WWOX: variants seen among roughly 807,000 people sequenced by gnomAD.
WWOX encodes the protein WW domain-containing oxidoreductase.
In WWOX, 69 loss-of-function variants were observed where a neutral mutation model predicts 46.2. That is an observed-to-expected ratio of 1.49 (90% CI 1.23 to 1.82). WWOX has a LOEUF of 1.82. Among genes scored for constraint, WWOX ranks in the 40% most tolerant of loss-of-function variants. The pLI is 0.00. For synonymous variants in WWOX, 359 were observed against 202.6 expected, an observed-to-expected ratio of 1.77 and a Z score of -6.56; for missense variants, 919 against 542.6, an observed-to-expected ratio of 1.69 and a Z score of -6.89.
rs2081009782 is a variant in WWOX, at chr16:78,341,297, G to A, written c.517-45563G>A. 1.7e-5 allele frequency among the ~76,000 whole-genome samples: 2 copies of A among 119,858 alleles called. 1 individual carries two copies. The highest frequency in any genetic ancestry group is 1.6e-4 in the Admixed American group (2 of 12,294). The allele number at this position is 119,858 out of a possible 152,430, so 78.6% of individuals were successfully genotyped here. A position where few individuals can be genotyped will look rare whatever the true frequency, so the allele number is the denominator to read the frequency against. On this transcript the variant is annotated intron_variant, in intron 5 of 8. Transcript: ENST00000566780. Reference sequence around the variant, plus strand: ...TGGGATTATAGGCATGAATCGCTGTGCCTGGCCTCAACTTTAAATTTTTAT... The same window carrying A: ...TGGGATTATAGGCATGAATCGCTGTACCTGGCCTCAACTTTAAATTTTTAT...
rs557639567 is a variant in WWOX at position 78,975,724 on chromosome 16, G to A, written c.1057-235884G>A. ...GCTCAGAGAAGGGTTTTGTCCATAG[G>A]CAACACAGAGCCAATTGAGGCCTTT... On this transcript the variant is annotated intron_variant, in intron 8 of 8. Coordinates refer to ENST00000566780, the MANE Select transcript of WWOX (RefSeq NM_016373.4). 2.4e-4 allele frequency among the ~76,000 whole-genome samples: 37 copies of A among 152,214 alleles called. 1 individual carries two copies. The highest frequency in any genetic ancestry group is 2.0e-3 in the Admixed American group (30 of 15,300).
At chr16:78,151,571 A>T (rs2087842055) in intron 4 of WWOX, among the ~76,000 whole-genome samples, 1 of 152,218 alleles carries the variant, frequency 6.6e-6, no homozygotes, top group East Asian at 1.9e-4. Context: ...TGTATAAATC[A>T]GGATGCTCAG....
intron 5 of WWOX, among the ~76,000 whole-genome samples, chr16:78,185,918 G>A (rs887149118): frequency 6.6e-6 from 1 of 152,076 alleles, no homozygotes; most frequent in African/African-American, 2.4e-5. Context: ...CACCCGCCTC[G>A]GCCTCCGAAA....
At chr16:78,370,878 A>C (rs2081663169) in intron 5 of WWOX, among the ~76,000 whole-genome samples, 1 of 147,446 alleles carries the variant, frequency 6.8e-6, no homozygotes, top group South Asian at 2.1e-4. Flanking sequence ...TGTTTCATTG[A>C]GATGCATACA....
chr16:78,765,094 G>A (rs1444371863), intron 8 of WWOX, among the ~76,000 whole-genome samples: 1 of 152,196 alleles, frequency 6.6e-6, no homozygotes, highest in East Asian at 1.9e-4. Flanking sequence ...TGGAGAGGAT[G>A]GGTGGCGGCT....
At chr16:78,899,845 G>T (rs1439953930) in intron 8 of WWOX, among the ~76,000 whole-genome samples, 1 of 152,096 alleles carries the variant, frequency 6.6e-6, no homozygotes, top group African/African-American at 2.4e-5. Context: ...TGTTCCACTG[G>T]CTCCTAAGGT....
intron 8 of WWOX, among the ~76,000 whole-genome samples, chr16:78,684,230 A>C (rs754386029): frequency 3.9e-5 from 6 of 152,164 alleles, no homozygotes; most frequent in Non-Finnish European, 8.8e-5. Flanking sequence ...TGCAGAGCAA[A>C]CTTCTGGACA....
intron 8 of WWOX, among the ~76,000 whole-genome samples, chr16:79,153,476 C>A (rs138588071): frequency 6.6e-6 from 1 of 152,102 alleles, no homozygotes; most frequent in Admixed American, 6.6e-5. Flanking sequence ...ATCGGGAATG[C>A]CTTTTGTCGT....
At chr16:78,904,191 A>T (rs948633744) in intron 8 of WWOX, among the ~76,000 whole-genome samples, 1 of 148,738 alleles carries the variant, frequency 6.7e-6, no homozygotes, top group Non-Finnish European at 1.5e-5. Context: ...GTTAGCAGTT[A>T]CAGGTGCTTG....
chr16:78,447,397 A>G (rs1320737841), intron 8 of WWOX, among the ~76,000 whole-genome samples: 1 of 152,244 alleles, frequency 6.6e-6, no homozygotes, highest in African/African-American at 2.4e-5. Flanking sequence ...GAAGTTTAAG[A>G]AAATTGTCTT....
chr16:78,152,718 T>C (rs34159228), intron 4 of WWOX, among the ~76,000 whole-genome samples: 23,072 of 152,280 alleles, frequency 0.15, 2,068 homozygotes, highest in East Asian at 0.22. Context: ...GTGGCAGCAC[T>C]AGTAGCCAGC....
chr16:78,733,750 G>A (rs754977570), intron 8 of WWOX, among the ~76,000 whole-genome samples: 1 of 151,822 alleles, frequency 6.6e-6, no homozygotes, highest in Non-Finnish European at 1.5e-5. Flanking sequence ...GTGAGAATCC[G>A]TCTCAAAAAA....
intron 5 of WWOX, among the ~76,000 whole-genome samples, chr16:78,191,333 T>C (rs1459221688): frequency 6.6e-6 from 1 of 152,138 alleles, no homozygotes; most frequent in African/African-American, 2.4e-5. Context: ...AGCTACTAAG[T>C]TGGAGCAACA....
chr16:78,565,000 A>G (rs920838308), intron 8 of WWOX, among the ~76,000 whole-genome samples: 8 of 152,152 alleles, frequency 5.3e-5, no homozygotes, highest in Non-Finnish European at 1.0e-4. Context: ...ACACTACACA[A>G]TTGTTGGAGC....
intron 8 of WWOX, among the ~76,000 whole-genome samples, chr16:78,888,963 C>G (rs1452084988): frequency 6.6e-6 from 1 of 151,988 alleles, no homozygotes; most frequent in African/African-American, 2.4e-5. Context: ...CCCTGATGCC[C>G]TTAGAAAGCT....
intron 8 of WWOX, among the ~76,000 whole-genome samples, chr16:78,849,000 T>A (rs565973120): frequency 2.0e-5 from 3 of 152,280 alleles, no homozygotes; most frequent in African/African-American, 7.2e-5. Flanking sequence ...CGCAAAGACA[T>A]AGTTACCATG....
chr16:78,912,162 C>T, intron 8 of WWOX, among the ~76,000 whole-genome samples: 1 of 151,994 alleles, frequency 6.6e-6, no homozygotes, highest in East Asian at 1.9e-4. Flanking sequence ...TTACAGGTTG[C>T]TGCTTTATGG....
intron 8 of WWOX, among the ~76,000 whole-genome samples, chr16:79,108,628 A>G (rs1249101754): frequency 6.6e-6 from 1 of 152,190 alleles, no homozygotes; most frequent in Non-Finnish European, 1.5e-5. Flanking sequence ...TTATTCGGGC[A>G]TGGTGGCTCA....
In WWOX at chr16:78,621,441, T is replaced by G. The variant is rs12927981; in HGVS notation, c.1056+188689T>G. ...ACTGATTTATTTTTCCCTCTTGGAG[T>G]TGCTTATTCTTTTCTTCTTCCAGTT... On this transcript the variant is annotated intron_variant, in intron 8 of 8. Coordinates refer to ENST00000566780, the MANE Select transcript of WWOX (RefSeq NM_016373.4). 3.1e-3 allele frequency among the ~76,000 whole-genome samples: 467 copies of G among 151,978 alleles called. 3 individuals are homozygous for G. The highest frequency in any genetic ancestry group is 6.8e-3 in the Middle Eastern group (2 of 294).
Sources: gnomAD v4.1 joint callset for allele counts (sites outside exome capture counted in the v4.1 genomes callset) on GRCh38, gnomAD v4.1.1 for gene constraint, MANE v1.5 for transcripts, NCBI Gene and HGNC (gene_info 2026-07-23, HGNC 2026-07-21) for gene names.